Variants in MAGT1 observed in about 807,000 individuals in gnomAD.
The protein encoded by MAGT1 is dolichyl-diphosphooligosaccharide--protein glycosyltransferase subunit MAGT1.
In MAGT1, 4 loss-of-function variants were observed where a neutral mutation model predicts 28.4. The observed-to-expected ratio is 0.14, with a 90% CI of 0.07 to 0.32. The LOEUF (loss-of-function observed/expected upper bound fraction) is 0.32. MAGT1 is among the 10% of genes least tolerant of loss of function. The probability of loss-of-function intolerance (pLI) is 1.00; values close to 1 mark genes in which losing one functional copy is unlikely to be tolerated. For synonymous variants in MAGT1, 89 were observed against 89.7 expected (o/e 0.99, Z 0.04); for missense variants, 193 against 264.5 (o/e 0.73, Z 1.88).
intron 2 of MAGT1, among the ~76,000 whole-genome samples, chrX:77,873,300 G>A (rs2077024886): frequency 8.9e-6 from 1 of 112,036 alleles, no homozygotes; most frequent in African/African-American, 3.2e-5. Context: ...TGGGGTGGCA[G>A]AACACACCAT....
chrX:77,888,295 T>A (rs1367722631), intron 1 of MAGT1, among the ~76,000 whole-genome samples: 1 of 111,331 alleles, frequency 9.0e-6, no homozygotes, highest in Non-Finnish European at 1.9e-5. Context: ...TTTCTACCAT[T>A]CAAATAAAAC....
intron 7 of MAGT1, among the ~76,000 whole-genome samples, chrX:77,851,520 T>C (rs2076968314): frequency 9.0e-6 from 1 of 111,355 alleles, no homozygotes; most frequent in Non-Finnish European, 1.9e-5. Flanking sequence ...ATTACAGGCG[T>C]GCACCACCAT....
chrX:77,831,209 G>C (rs1283627798), intron 8 of MAGT1, among the ~76,000 whole-genome samples: 2 of 109,906 alleles, frequency 1.8e-5, no homozygotes, highest in African/African-American at 6.6e-5. Context: ...AGTAGAGACG[G>C]GGTTTCACCT....
intron 8 of MAGT1, among the ~76,000 whole-genome samples, chrX:77,839,356 T>C (rs1266211446): frequency 9.5e-6 from 1 of 105,709 alleles, no homozygotes; most frequent in Non-Finnish European, 1.9e-5. Flanking sequence ...TTTTTTTTTT[T>C]CTTTAAGATG....
intron 7 of MAGT1, among the ~76,000 whole-genome samples, chrX:77,846,331 C>T (rs1187990450): frequency 1.8e-5 from 2 of 111,436 alleles, no homozygotes; most frequent in Admixed American, 9.6e-5. Context: ...GTTAGCCATT[C>T]GTCTAACCTT....
chrX:77,833,645 G>A (rs910507957), intron 8 of MAGT1, among the ~76,000 whole-genome samples: 3 of 111,763 alleles, frequency 2.7e-5, no homozygotes, highest in African/African-American at 9.7e-5. Flanking sequence ...AGAGGACATC[G>A]AAAAATGGAA....
chrX:77,867,937 G>A (rs192177963), intron 3 of MAGT1, among the ~76,000 whole-genome samples: 1 of 67,056 alleles, frequency 1.5e-5, no homozygotes, highest in African/African-American at 3.5e-5. Flanking sequence ...TGGACAGAGC[G>A]CTAAATGGAA....
chrX:77,830,201 A>T (rs1470081884), intron 9 of MAGT1, among the ~76,000 whole-genome samples: 3 of 112,239 alleles, frequency 2.7e-5, no homozygotes, highest in African/African-American at 9.7e-5. Flanking sequence ...GTGCAGCTGT[A>T]GTCCTAGCCT....
chrX:77,848,379 G>A (rs1557215195), intron 7 of MAGT1, among the ~76,000 whole-genome samples: 1 of 112,388 alleles, frequency 8.9e-6, no homozygotes, highest in East Asian at 2.8e-4. Flanking sequence ...AAGGCCAGGC[G>A]TGGTGGCTCA....
intron 3 of MAGT1, among the ~76,000 whole-genome samples, chrX:77,864,762 C>CGGCTCACTACAACCTCCT (rs2077004117): frequency 1.8e-5 from 2 of 109,965 alleles, no homozygotes; most frequent in African/African-American, 6.6e-5. Context: ...TGGAGTGCAG[C>CGGCTCACTACAACCTCCT]GGCTCACTAC....
intron 1 of MAGT1, among the ~76,000 whole-genome samples, chrX:77,884,182 G>A (rs1189993550): frequency 9.0e-6 from 1 of 111,612 alleles, no homozygotes; most frequent in African/African-American, 3.3e-5. Context: ...GACTGAGTGA[G>A]ACTCTGTCTA....
intron 8 of MAGT1, among the ~76,000 whole-genome samples, chrX:77,832,274 G>A (rs1277426681): frequency 9.0e-6 from 1 of 111,571 alleles, no homozygotes; most frequent in Non-Finnish European, 1.9e-5. Flanking sequence ...ATGTAGGGAA[G>A]CATGTGTCCA....
At chrX:77,838,472 A>G (rs1368577843) in intron 8 of MAGT1, among the ~76,000 whole-genome samples, 2 of 106,119 alleles carry the variant, frequency 1.9e-5, no homozygotes, top group Admixed American at 2.1e-4. Context: ...AAAAAAAAAA[A>G]TGTCCAGCTG....
At chrX:77,842,423 C>T (rs1243536551) in intron 7 of MAGT1, among the ~76,000 whole-genome samples, 3 of 111,442 alleles carry the variant, frequency 2.7e-5, no homozygotes, top group East Asian at 2.8e-4. Context: ...TTCAATAATA[C>T]TTTATTTTTT....
intron 7 of MAGT1, among the ~76,000 whole-genome samples, chrX:77,846,755 G>A (rs1465732439): frequency 3.6e-5 from 4 of 111,743 alleles, no homozygotes; most frequent in Non-Finnish European, 7.5e-5. Context: ...GCAGATATTG[G>A]TGAACAGCAA....
chrX:77,827,437 TTTC>T lies in MAGT1; in HGVS notation c.*1780_*1782del. 1 of 109,872 alleles carries T rather than the reference TTTC, an allele frequency of 9.1e-6. No homozygotes were observed. Among genetic ancestry groups the T allele is most frequent in the South Asian group, 3.9e-4 (1 of 2,596 alleles). 9.1% of individuals were successfully genotyped at this position (109,872 alleles called of 1,213,427 possible). A position where few individuals can be genotyped will look rare whatever the true frequency, so the allele number is the denominator to read the frequency against. ...TTCCCATTCTAAGGGAGTCCTTTTC[TTTC>T]TTACTTTTTTTTTTTTTTTTGAGAT... On this transcript the variant is annotated 3_prime_UTR_variant, in exon 10 of 10. Coordinates refer to ENST00000618282, the MANE Select transcript of MAGT1 (RefSeq NM_001367916.1).
intron 7 of MAGT1, among the ~76,000 whole-genome samples, chrX:77,848,631 A>G (rs2149015508): frequency 8.9e-6 from 1 of 112,194 alleles, no homozygotes; most frequent in South Asian, 3.6e-4. Flanking sequence ...CTACAAGTAT[A>G]AAAAATGAAC....
chrX:77,887,818 G>T (rs1007582866), intron 1 of MAGT1, among the ~76,000 whole-genome samples: 6 of 112,112 alleles, frequency 5.4e-5, no homozygotes, highest in Non-Finnish European at 9.4e-5. Flanking sequence ...CCCGCTAATA[G>T]TTTTTTTGAG....
chrX:77,834,214 GTGTATATATATGCATATA>G (rs1380394409), intron 8 of MAGT1, among the ~76,000 whole-genome samples: 13 of 95,449 alleles, frequency 1.4e-4, no homozygotes, highest in East Asian at 3.2e-4. Flanking sequence ...ATATACATGT[GTGTATATATATGCATATA>G]TGTATATATA....
Sources: allele counts gnomAD v4.1 joint callset (sites outside exome capture counted in the v4.1 genomes callset), GRCh38; gene constraint gnomAD v4.1.1; transcripts MANE v1.5; gene names NCBI Gene and HGNC (gene_info 2026-07-23, HGNC 2026-07-21).